Variants in ERBB2 observed in about 807,000 individuals in gnomAD.
ERBB2 encodes the protein receptor tyrosine-protein kinase erbB-2.
Under a neutral mutation model 149.0 loss-of-function variants are expected in ERBB2, and 61 were observed. The ratio of observed to expected loss-of-function variants is 0.41; its 90% confidence interval spans 0.33 to 0.51. ERBB2 has a LOEUF of 0.51. Among genes scored for constraint, ERBB2 ranks in the 20% least tolerant of loss-of-function variants. The pLI is 0.25. For missense variants in ERBB2, 1,205 were observed against 1,655.1 expected, an observed-to-expected ratio of 0.73 and a Z score of 4.72; for synonymous variants, 633 against 678.8, an observed-to-expected ratio of 0.93 and a Z score of 1.05.
chr17:39,698,401 A>G (rs913996780), upstream of ERBB2, among the ~76,000 whole-genome samples: 3 of 152,002 alleles, frequency 2.0e-5, no homozygotes, highest in Non-Finnish European at 4.4e-5. Context: ...CTGGGACTAC[A>G]GGCACCCGCC....
rs2059812096 is a variant in ERBB2, at chr17:39,727,116, T to C, written c.3159+113T>C. ...ACTGTCACCTCTCAAGGAAACCCCATTATCCCTACAAAAAATTCTTACTGC... is the reference window on the plus strand; with the variant it reads ...ACTGTCACCTCTCAAGGAAACCCCACTATCCCTACAAAAAATTCTTACTGC... On this transcript the variant is annotated intron_variant, in intron 25 of 26. Transcript: ENST00000269571. The surrounding 1 kb of genome is among the most constrained non-coding windows in gnomAD (Gnocchi z 4.3). 1.6e-6 allele frequency: 2 copies of C among 1,245,876 alleles called. No homozygotes were observed. The highest frequency in any genetic ancestry group is 4.7e-5 in the Admixed American group (2 of 42,580). The allele number at this position is 1,245,876 out of a possible 1,614,324, so 77.2% of individuals were successfully genotyped here.
chr17:39,701,491 C>T (rs1252059966), intron 1 of ERBB2, among the ~76,000 whole-genome samples: 1 of 152,060 alleles, frequency 6.6e-6, no homozygotes, highest in Non-Finnish European at 1.5e-5. Context: ...GCAGGGGAGA[C>T]AAAATGAAAG....
rs755966941 is a variant in ERBB2 at position 39,715,956 on chromosome 17, A to G, written c.1513+17A>G. 11 of 1,603,140 alleles carry G rather than the reference A, an allele frequency of 6.9e-6. No homozygotes were observed. Among genetic ancestry groups the G allele is most frequent in the Admixed American group, 1.7e-5 (1 of 59,804 alleles). On this transcript the variant is annotated intron_variant, in intron 12 of 26. Coordinates refer to ENST00000269571, the MANE Select transcript of ERBB2 (RefSeq NM_004448.4). ...ACGAGTGTGGTAAGACAGGGAGCCC[A>G]GTGTGCGCACTCCCCATCTGCCAGC...
chr17:39,693,765 AAAT>A (rs71355408), upstream of ERBB2, among the ~76,000 whole-genome samples: 7,365 of 143,364 alleles, frequency 0.051, 467 homozygotes, highest in African/African-American at 0.15. Context: ...CTCGAAAATA[AAAT>A]AATAATAATA....
At chr17:39,699,227 A>C (rs1388687176), upstream of ERBB2, among the ~76,000 whole-genome samples, 4 of 152,156 alleles carry the variant, frequency 2.6e-5, no homozygotes, top group African/African-American at 9.7e-5. Flanking sequence ...TGGGAGGCTG[A>C]GGCGGGAGGA....
At chr17:39,689,900 CAAAAAA>C (rs77805136) in intron 2 of ERBB2, among the ~76,000 whole-genome samples, 1 of 47,470 alleles carries the variant, frequency 2.1e-5, no homozygotes, top group South Asian at 6.6e-4. Flanking sequence ...GAGCGAAACT[CAAAAAA>C]AAAAAAAAAA....
chr17:39,694,213 AAAAAAAAAAAAAAATATATATATAT>A (rs2057780119), upstream of ERBB2, among the ~76,000 whole-genome samples: 1 of 52,392 alleles, frequency 1.9e-5, no homozygotes, highest in African/African-American at 1.0e-4. Context: ...AAAAAAAAAA[AAAAAAAAAAAAAAATATATATATAT>A]ATATATATAT....
chr17:39,712,695 C>CT (rs1398428824), intron 9 of ERBB2, among the ~76,000 whole-genome samples: 1 of 152,158 alleles, frequency 6.6e-6, no homozygotes, highest in Non-Finnish European at 1.5e-5. Context: ...GTAAAATTCC[C>CT]TTTGAGTTCA....
At chr17:39,707,936 T>G (rs1597861170) in intron 2 of ERBB2, 1 of 161,918 alleles carries the variant, frequency 6.2e-6, no homozygotes, top group Admixed American at 6.2e-5. Context: ...GAGACGGAGG[T>G]TGTGGTGAGC....
At chr17:39,706,556 G>A (rs1419046727) in intron 1 of ERBB2, among the ~76,000 whole-genome samples, 1 of 152,158 alleles carries the variant, frequency 6.6e-6, no homozygotes, top group Non-Finnish European at 1.5e-5. Context: ...TAGGGAGAAT[G>A]CACCGAGTTT....
Position 39,720,162 on chromosome 17 carries a change from G to A in ERBB2, c.1946+328G>A, listed in dbSNP as rs1031567377. ...AGAGTACAGCTGCAGCACTGAGGGAGTGATGAATTCTTAACTGGGGATGGT... is the reference window on the plus strand; with the variant it reads ...AGAGTACAGCTGCAGCACTGAGGGAATGATGAATTCTTAACTGGGGATGGT... On this transcript the variant is annotated intron_variant, in intron 16 of 26. Coordinates refer to ENST00000269571, the MANE Select transcript of ERBB2 (RefSeq NM_004448.4). 24 of 297,292 alleles carry A rather than the reference G, an allele frequency of 8.1e-5. No homozygotes were observed. The Admixed American group carries it at 1.0e-3, about 13-fold the overall frequency. The allele number at this position is 297,292 out of a possible 1,614,324, so 18.4% of individuals were successfully genotyped here. A position where few individuals can be genotyped will look rare whatever the true frequency, so the allele number is the denominator to read the frequency against.
upstream of ERBB2, among the ~76,000 whole-genome samples, chr17:39,691,880 T>TAGATATAGATAC (rs2057711948): frequency 4.6e-5 from 6 of 131,396 alleles, no homozygotes; most frequent in Admixed American, 3.2e-4. Flanking sequence ...GATATAGATA[T>TAGATATAGATAC]AGATATAGAT....
In ERBB2 at chr17:39,700,160, C is replaced by T. The variant is rs2057997493; in HGVS notation, c.-79C>T. ...TACTGCGCCGCGCGCCCGGCCCCCA[C>T]CCCTCGCAGCACCCCGCGCCCCGCG... is the stretch of plus-strand genomic sequence containing the variant. On this transcript the variant is annotated 5_prime_UTR_variant, in exon 1 of 27. Coordinates refer to ENST00000269571, the MANE Select transcript of ERBB2 (RefSeq NM_004448.4). 27 of 1,332,972 alleles carry T rather than the reference C, an allele frequency of 2.0e-5. No individual in the cohort carries two copies. The South Asian group carries it at 5.2e-4, about 26-fold the overall frequency. 82.6% of individuals were successfully genotyped at this position (1,332,972 alleles called of 1,614,324 possible).
upstream of ERBB2, among the ~76,000 whole-genome samples, chr17:39,697,159 C>T (rs1400994149): frequency 2.0e-5 from 3 of 152,120 alleles, no homozygotes; most frequent in Non-Finnish European, 4.4e-5. Context: ...CTAACCCTAA[C>T]ACCAGCTCAA....
chr17:39,701,156 TG>T (rs1321760775), intron 1 of ERBB2, among the ~76,000 whole-genome samples: 1 of 151,602 alleles, frequency 6.6e-6, no homozygotes, highest in Non-Finnish European at 1.5e-5. Context: ...GAAGGGTGAG[TG>T]GGGGCAGTGT....
At chr17:39,711,879 G>A (rs375801931) in intron 7 of ERBB2, 49 bp from the exon 8 acceptor site, 20 of 1,611,692 alleles carry the variant, frequency 1.2e-5, no homozygotes, top group African/African-American at 4.0e-5. Context: ...TGCTCATGGT[G>A]GTGCACGAAG....
Position 39,723,227 on chromosome 17 carries a change from A to C in ERBB2, c.1947-92A>C. On this transcript the variant is annotated intron_variant, in intron 16 of 26. Transcript: ENST00000269571. This position sits in a 1 kb window ranked among gnomAD's most constrained non-coding sequence, Gnocchi z 6.2. ...GTCACCCTTCCGACTTCCCTTTCCG[A>C]ATGCCAAACACCTTCATGTCCCCCG... 1 of 1,363,284 alleles carries C rather than the reference A, an allele frequency of 7.3e-7. No individual in the cohort carries two copies. The highest frequency in any genetic ancestry group is 1.0e-6 in the Non-Finnish European group (1 of 979,100). 84.4% of individuals were successfully genotyped at this position (1,363,284 alleles called of 1,614,324 possible).
chr17:39,696,270 C>A (rs1045425507), upstream of ERBB2, among the ~76,000 whole-genome samples: 72 of 152,204 alleles, frequency 4.7e-4, no homozygotes, highest in African/African-American at 1.6e-3. Flanking sequence ...CTCGGCCCCT[C>A]TCGAGCCTCC....
intron 14 of ERBB2, 106 bp downstream of exon 14, chr17:39,716,711 T>C: frequency 9.6e-7 from 1 of 1,038,840 alleles, no homozygotes; most frequent in Non-Finnish European, 1.4e-6. Context: ...TCTGGTAAAA[T>C]ATCCCTGGAG....
Sources: gnomAD v4.1 joint callset for allele counts (sites outside exome capture counted in the v4.1 genomes callset) on GRCh38, gnomAD v4.1.1 for gene constraint, Gnocchi (gnomAD v3.1) non-coding constraint, MANE v1.5 for transcripts, NCBI Gene and HGNC (gene_info 2026-07-23, HGNC 2026-07-21) for gene names.